The following DCPS variants were observed in gnomAD, a reference collection of about 807,000 sequenced individuals.
DCPS encodes the protein m7GpppX diphosphatase.
DCPS carries 27 observed loss-of-function variants against 34.7 expected under a neutral mutation model. The ratio of observed to expected loss-of-function variants is 0.78; its 90% CI spans 0.57 to 1.07. The LOEUF is 1.07. DCPS is among the 50% of genes least tolerant of loss of function. DCPS has a pLI of 0.00. For synonymous variants in DCPS, 185 were observed against 185.7 expected (o/e 1.00, Z 0.03); for missense variants, 464 against 436.9 (o/e 1.06, Z -0.55).
rs1180467849 is a variant in DCPS, at chr11:126,322,296, C to G, written c.377-9109C>G. Among the ~76,000 whole-genome samples, 1 of 152,134 alleles carries G rather than the reference C, an allele frequency of 6.6e-6. No individual in the cohort carries two copies. The highest frequency in any genetic ancestry group is 6.5e-5 in the Admixed American group (1 of 15,268). On this transcript the variant is annotated intron_variant, in intron 2 of 5. Transcript: ENST00000263579. This position sits in a 1 kb window ranked among gnomAD's most constrained non-coding sequence, Gnocchi z 4.2. Reference sequence around the variant, plus strand: ...TTTATTTTTTTGAGACAGAGTCTCACTTTGTCGCCCAGGCTGGAGTGCATT... The same window carrying G: ...TTTATTTTTTTGAGACAGAGTCTCAGTTTGTCGCCCAGGCTGGAGTGCATT...
chr11:126,333,513 T>G lies in DCPS; in HGVS notation c.522+1963T>G, dbSNP rs1324151585. On this transcript the variant is annotated intron_variant, in intron 3 of 5. Transcript: ENST00000263579. This position sits in a 1 kb window ranked among gnomAD's most constrained non-coding sequence, Gnocchi z 5.7. ...GTGACCAGCGCAGACAGTTGGGACT[T>G]CACAGGGAGAGGATCCTCCCCTTGG... 6.6e-6 allele frequency among the ~76,000 whole-genome samples: 1 copy of G among 152,204 alleles called. No homozygotes were observed. The highest frequency in any genetic ancestry group is 1.5e-5 in the Non-Finnish European group (1 of 68,030).
At position 126,336,649 on chromosome 11, in the gene DCPS, T is replaced by TCTCC. The variant is rs1331611798; in HGVS notation, c.523-1626_523-1623dup. 1.3e-5 allele frequency: 2 copies of TCTCC among 152,150 alleles called. No individual in the cohort carries two copies. Among genetic ancestry groups the TCTCC allele is most frequent in the East Asian group, 1.9e-4 (1 of 5,194 alleles). 9.4% of individuals were successfully genotyped at this position (152,150 alleles called of 1,614,324 possible). A position where few individuals can be genotyped will look rare whatever the true frequency, so the allele number is the denominator to read the frequency against. ...TTGGGGCTGTCTGTAGGGAATGCCG[T>TCTCC]CTCCCTCCCTCCCTTGTATTTCCGC... On this transcript the variant is annotated intron_variant, in intron 3 of 5. Transcript: ENST00000263579. The surrounding 1 kb of genome is among the most constrained non-coding windows in gnomAD (Gnocchi z 6.3).
chr11:126,323,829 T>C lies in DCPS; in HGVS notation c.377-7576T>C. Among the ~76,000 whole-genome samples the C allele has an allele frequency of 6.6e-6, 1 of 152,030 alleles. No homozygotes were observed. Among genetic ancestry groups the C allele is most frequent in the Non-Finnish European group, 1.5e-5 (1 of 68,018 alleles). ...GAGCCACCAAACCTGACCCTAAAGT[T>C]GTTTTTTTGTTTGTTTTTTGAGATG... is the stretch of plus-strand genomic sequence containing the variant. On this transcript the variant is annotated intron_variant, in intron 2 of 5. Transcript: ENST00000263579. The surrounding 1 kb of genome is among the most constrained non-coding windows in gnomAD (Gnocchi z 4.4).
In DCPS at chr11:126,306,629, G is replaced by T. The variant is rs533266199; in HGVS notation, c.261G>T (p.Thr87=). The change falls in exon 2 of 6, where the codon ACG becomes ACT. Residue 87 remains threonine (T), a synonymous_variant. Transcript: ENST00000263579. The part of the protein sequence containing the change: ...GEDAVVILEK[T]PFQVEQVAQL... ...ATGCCGTTGTGATCCTGGAGAAGAC[G>T]CCATTTCAGGTGGAACAGGTGGCTC... The T allele has an allele frequency of 1.4e-5, 22 of 1,613,840 alleles. No homozygotes were observed. The East Asian group carries it at 4.5e-4, about 33-fold the overall frequency.
rs1951939756 is a variant in DCPS, at chr11:126,347,221, CTCT to C, written c.*1610_*1612del. Among the ~76,000 whole-genome samples the C allele has an allele frequency of 7.4e-6, 1 of 135,040 alleles. No homozygotes were observed. Among genetic ancestry groups the C allele is most frequent in the African/African-American group, 2.7e-5 (1 of 36,582 alleles). 88.6% of individuals were successfully genotyped at this position (135,040 alleles called of 152,430 possible). On this transcript the variant is annotated 3_prime_UTR_variant, in exon 6 of 6. Coordinates refer to ENST00000263579, the MANE Select transcript of DCPS (RefSeq NM_014026.6). This position sits in a 1 kb window ranked among gnomAD's most constrained non-coding sequence, Gnocchi z 4.2. Reference sequence around the variant, plus strand: ...TCCACTCAGCCATTCTTCCCTGCAGCTCTTTTTTTTTTTTTTTTTTTTGAGACA... The same window carrying C: ...TCCACTCAGCCATTCTTCCCTGCAGCTTTTTTTTTTTTTTTTTTTGAGACA...
intron 2 of DCPS, among the ~76,000 whole-genome samples, chr11:126,308,599 G>A (rs945431131): frequency 9.8e-5 from 15 of 152,322 alleles, no homozygotes; most frequent in African/African-American, 3.6e-4. Flanking sequence ...CCTCAGCACA[G>A]GGCGGCAGAA....
chr11:126,320,982 A>G lies in DCPS; in HGVS notation c.377-10423A>G, dbSNP rs1951701888. Among the ~76,000 whole-genome samples, 1 of 151,892 alleles carries G rather than the reference A, an allele frequency of 6.6e-6. No individual in the cohort carries two copies. The highest frequency in any genetic ancestry group is 6.6e-5 in the Admixed American group (1 of 15,248). Reference sequence around the variant, plus strand: ...AGGGTGACATACCAGGTAGCCAGGGAAGGTGGCTCACTCCTGTACTCCCAG... The same window carrying G: ...AGGGTGACATACCAGGTAGCCAGGGGAGGTGGCTCACTCCTGTACTCCCAG... On this transcript the variant is annotated intron_variant, in intron 2 of 5. Coordinates refer to ENST00000263579, the MANE Select transcript of DCPS (RefSeq NM_014026.6). This position sits in a 1 kb window ranked among gnomAD's most constrained non-coding sequence, Gnocchi z 4.7.
At chr11:126,306,782 G>A in intron 2 of DCPS, 38 bp downstream of exon 2, 1 of 1,572,202 alleles carries the variant, frequency 6.4e-7, no homozygotes, top group Non-Finnish European at 8.7e-7. Flanking sequence ...TATGGAGGGA[G>A]AATGGGATGG....
rs1951732320 is a variant in DCPS at position 126,325,354 on chromosome 11, T to C, written c.377-6051T>C. On this transcript the variant is annotated intron_variant, in intron 2 of 5. Coordinates refer to ENST00000263579, the MANE Select transcript of DCPS (RefSeq NM_014026.6). The surrounding 1 kb of genome is among the most constrained non-coding windows in gnomAD (Gnocchi z 4.3). The stretch of plus-strand genomic sequence containing the variant: ...TGATTTATCAAAAATTGTGGTAAAG[T>C]TGTACTGTGAGGTTGAGGGTTAGGA... 6.6e-6 allele frequency among the ~76,000 whole-genome samples: 1 copy of C among 152,130 alleles called. No homozygotes were observed. The highest frequency in any genetic ancestry group is 2.1e-4 in the South Asian group (1 of 4,820).
In DCPS at chr11:126,325,061, T is replaced by C. The variant is rs1185769555; in HGVS notation, c.377-6344T>C. ...AGCGGGGCATGGTGGTGGGCACCTGTAATCCCAGCTACTCACTCGGGTTGC... is the reference window on the plus strand; with the variant it reads ...AGCGGGGCATGGTGGTGGGCACCTGCAATCCCAGCTACTCACTCGGGTTGC... On this transcript the variant is annotated intron_variant, in intron 2 of 5. Transcript: ENST00000263579. The surrounding 1 kb of genome is among the most constrained non-coding windows in gnomAD (Gnocchi z 4.3). 2.0e-5 allele frequency among the ~76,000 whole-genome samples: 3 copies of C among 152,080 alleles called. No homozygotes were observed. Among genetic ancestry groups the C allele is most frequent in the Non-Finnish European group, 4.4e-5 (3 of 68,026 alleles).
chr11:126,342,337 AAG>A lies in DCPS; in HGVS notation c.637-964_637-963del, dbSNP rs1591392837. Reference sequence around the variant, plus strand: ...AGGAAGGTATCCTGTGCGATAGGGGAAGAGAGAAACAAGCTAACTGCCCTGGT... The same window carrying A: ...AGGAAGGTATCCTGTGCGATAGGGGAAGAGAAACAAGCTAACTGCCCTGGT... On this transcript the variant is annotated intron_variant, in intron 4 of 5. Coordinates refer to ENST00000263579, the MANE Select transcript of DCPS (RefSeq NM_014026.6). This position sits in a 1 kb window ranked among gnomAD's most constrained non-coding sequence, Gnocchi z 4.4. 6.6e-6 allele frequency: 1 copy of A among 152,426 alleles called. No individual in the cohort carries two copies. Among genetic ancestry groups the A allele is most frequent in the African/African-American group, 2.4e-5 (1 of 41,446 alleles). 9.4% of individuals were successfully genotyped at this position (152,426 alleles called of 1,614,324 possible). A position where few individuals can be genotyped will look rare whatever the true frequency, so the allele number is the denominator to read the frequency against.
chr11:126,334,629 C>T lies in DCPS; in HGVS notation c.522+3079C>T, dbSNP rs2135330075. On this transcript the variant is annotated intron_variant, in intron 3 of 5. Coordinates refer to ENST00000263579, the MANE Select transcript of DCPS (RefSeq NM_014026.6). The surrounding 1 kb of genome is among the most constrained non-coding windows in gnomAD (Gnocchi z 5.5). ...AAAGTGCTGGGATTACAGGTGTGAG[C>T]CACCGCACCCAGCCTCACACCTCAT... Among the ~76,000 whole-genome samples, 1 of 152,290 alleles carries T rather than the reference C, an allele frequency of 6.6e-6. No individual in the cohort carries two copies. The highest frequency in any genetic ancestry group is 6.5e-5 in the Admixed American group (1 of 15,300).
In DCPS at chr11:126,335,647, G is replaced by T. The variant is rs1216360875; in HGVS notation, c.523-2639G>T. On this transcript the variant is annotated intron_variant, in intron 3 of 5. Coordinates refer to ENST00000263579, the MANE Select transcript of DCPS (RefSeq NM_014026.6). The surrounding 1 kb of genome is among the most constrained non-coding windows in gnomAD (Gnocchi z 4.8). ...TTCTTAACTGTAAAATGGGGACAAT[G>T]TCCAGGCGCGGTGGCTTATGCCTGT... Among the ~76,000 whole-genome samples, 1 of 152,222 alleles carries T rather than the reference G, an allele frequency of 6.6e-6. No individual in the cohort carries two copies. The highest frequency in any genetic ancestry group is 1.9e-4 in the East Asian group (1 of 5,192).
Position 126,329,852 on chromosome 11 carries a change from C to T in DCPS, c.377-1553C>T, listed in dbSNP as rs963971316. Among the ~76,000 whole-genome samples, 4 of 152,092 alleles carry T rather than the reference C, an allele frequency of 2.6e-5. No individual in the cohort carries two copies. Among genetic ancestry groups the T allele is most frequent in the African/African-American group, 7.2e-5 (3 of 41,406 alleles). On this transcript the variant is annotated intron_variant, in intron 2 of 5. Transcript: ENST00000263579. This position sits in a 1 kb window ranked among gnomAD's most constrained non-coding sequence, Gnocchi z 5.0. ...GGTGTGTGAGTGAGTATGAGGACTT[C>T]GTGGTGGTGAAATGTGCCCGCTGGG...
chr11:126,317,450 T>C (rs962038347), intron 2 of DCPS, among the ~76,000 whole-genome samples: 5 of 152,132 alleles, frequency 3.3e-5, no homozygotes, highest in African/African-American at 1.2e-4. Flanking sequence ...TCTGGCACAC[T>C]AATTAGAATT....
rs142522125 is a variant in DCPS at position 126,325,600 on chromosome 11, G to C, written c.377-5805G>C. 1.0e-3 allele frequency among the ~76,000 whole-genome samples: 157 copies of C among 152,324 alleles called. 2 individuals are homozygous for C. In the East Asian group the frequency reaches 0.03, roughly 29 times the overall value. ...GAAAGTGGTGCCTTTGAAGGAGCTG[G>C]AAATTGGGAGCAGGGAGGAGCAGAA... On this transcript the variant is annotated intron_variant, in intron 2 of 5. Transcript: ENST00000263579. The surrounding 1 kb of genome is among the most constrained non-coding windows in gnomAD (Gnocchi z 4.3).
At position 126,320,837 on chromosome 11, in the gene DCPS, C is replaced by T. The variant is rs1254291959; in HGVS notation, c.377-10568C>T. ...CAAACCTAGGATACGTAGGGAGGAG[C>T]AGTAACTGGATCTGAGAGATGACAC... On this transcript the variant is annotated intron_variant, in intron 2 of 5. Transcript: ENST00000263579. This position sits in a 1 kb window ranked among gnomAD's most constrained non-coding sequence, Gnocchi z 4.7. 6.6e-6 allele frequency among the ~76,000 whole-genome samples: 1 copy of T among 152,106 alleles called. No individual in the cohort carries two copies. The highest frequency in any genetic ancestry group is 1.9e-4 in the East Asian group (1 of 5,188).
chr11:126,308,737 A>G (rs634238), intron 2 of DCPS, among the ~76,000 whole-genome samples: 8 of 93,758 alleles, frequency 8.5e-5, no homozygotes, highest in East Asian at 4.5e-4. Flanking sequence ...CACCCTCCCC[A>G]CCCTTGGCCA....
At chr11:126,324,074 C>T (rs529970321) in intron 2 of DCPS, among the ~76,000 whole-genome samples, 2 of 152,234 alleles carry the variant, frequency 1.3e-5, no homozygotes, top group African/African-American at 2.4e-5. Context: ...TCAGGTGATC[C>T]GTCCGCCTTG....
Sources: gnomAD v4.1 joint callset for allele counts (sites outside exome capture counted in the v4.1 genomes callset) on GRCh38, gnomAD v4.1.1 for gene constraint, Gnocchi (gnomAD v3.1) non-coding constraint, MANE v1.5 for transcripts, NCBI Gene and HGNC (gene_info 2026-07-23, HGNC 2026-07-21) for gene names.